The following ZNF385D variants were observed in gnomAD, a reference collection of about 807,000 sequenced individuals.
ZNF385D encodes zinc finger protein 659.
Under a neutral mutation model 35.8 loss-of-function variants are expected in ZNF385D, and 15 were observed. The observed-to-expected ratio is 0.42, with a 90% confidence interval of 0.28 to 0.64. The LOEUF (loss-of-function observed/expected upper bound fraction) is 0.64. Among genes scored for constraint, ZNF385D ranks in the 30% least tolerant of loss-of-function variants. The probability of loss-of-function intolerance (pLI) is 0.23; values close to 1 mark genes in which losing one functional copy is unlikely to be tolerated. For missense variants in ZNF385D, 474 were observed against 494.6 expected (o/e 0.96, Z 0.39); for synonymous variants, 212 against 186.8 (o/e 1.13, Z -1.10).
Position 22,243,642 on chromosome 3 carries a change from CA to C in ZNF385D, c.107-74608del, listed in dbSNP as rs574807869. Among the ~76,000 whole-genome samples, 644 of 151,092 alleles carry C rather than the reference CA, an allele frequency of 4.3e-3. 36 individuals are homozygous for C. Among genetic ancestry groups the C allele is most frequent in the African/African-American group, 0.015 (604 of 40,966 alleles). On this transcript the variant is annotated intron_variant, in intron 2 of 5. Coordinates refer to the ZNF385D transcript ENST00000494108. ...AGGTGGAGGCAATGAAAATGAAAAT[CA>C]AAAGATGTTAGAACACTTCAAAGGC...
chr3:22,266,705 T>C (rs1251680817), intron 2 of ZNF385D, among the ~76,000 whole-genome samples: 1 of 151,926 alleles, frequency 6.6e-6, no homozygotes, highest in Admixed American at 6.6e-5. Context: ...GCTTGCTATA[T>C]ATTTATATTT....
chr3:21,685,304 T>A (rs2067069461), intron 1 of ZNF385D, among the ~76,000 whole-genome samples: 1 of 152,196 alleles, frequency 6.6e-6, no homozygotes, highest in African/African-American at 2.4e-5. Flanking sequence ...ATTACTTGCC[T>A]TGGTGACAAG....
intron 3 of ZNF385D, among the ~76,000 whole-genome samples, chr3:22,123,962 C>CTCTCTCTCTATATATATATA (rs1491571691): frequency 1.6e-5 from 1 of 61,838 alleles, no homozygotes; most frequent in African/African-American, 6.1e-5. Context: ...CTCTCTCTCT[C>CTCTCTCTCTATATATATATA]TATATATATA....
intron 3 of ZNF385D, among the ~76,000 whole-genome samples, chr3:22,130,480 T>A (rs866303216): frequency 6.6e-6 from 1 of 152,180 alleles, no homozygotes; most frequent in Non-Finnish European, 1.5e-5. Context: ...TTCTGATAAC[T>A]GGGACGGATG....
At chr3:22,303,328 C>T (rs1703014135) in intron 2 of ZNF385D, among the ~76,000 whole-genome samples, 2 of 152,058 alleles carry the variant, frequency 1.3e-5, no homozygotes, top group African/African-American at 4.8e-5. Context: ...TTGTCTCCTG[C>T]CACTACTCTT....
chr3:22,243,714 G>C (rs1323757591), intron 2 of ZNF385D, among the ~76,000 whole-genome samples: 1 of 150,944 alleles, frequency 6.6e-6, no homozygotes, highest in Non-Finnish European at 1.5e-5. Flanking sequence ...TGAAAGAAAG[G>C]AGGGTAGGCA....
chr3:21,932,947 G>A (rs1294699147), intron 3 of ZNF385D, among the ~76,000 whole-genome samples: 1 of 152,146 alleles, frequency 6.6e-6, no homozygotes. Context: ...ACTGGGATAG[G>A]AGATCGCAAA....
At chr3:22,265,408 G>C (rs547896522) in intron 2 of ZNF385D, among the ~76,000 whole-genome samples, 5 of 152,084 alleles carry the variant, frequency 3.3e-5, no homozygotes, top group African/African-American at 1.2e-4. Context: ...ATTGGCAAAT[G>C]AGGTTAAATG....
intron 1 of ZNF385D, among the ~76,000 whole-genome samples, chr3:21,667,446 G>GCCAC (rs2066442550): frequency 6.6e-6 from 1 of 152,210 alleles, no homozygotes; most frequent in Admixed American, 6.5e-5. Context: ...ACAGGTGTGA[G>GCCAC]CCACCATGCC....
chr3:21,834,881 C>T (rs899017471), intron 3 of ZNF385D, among the ~76,000 whole-genome samples: 12 of 152,128 alleles, frequency 7.9e-5, no homozygotes, highest in African/African-American at 2.9e-4. Context: ...GTGCTTGCTT[C>T]TCCTTCACCT....
intron 3 of ZNF385D, among the ~76,000 whole-genome samples, chr3:21,837,165 C>G (rs1695381272): frequency 6.6e-6 from 1 of 152,132 alleles, no homozygotes; most frequent in African/African-American, 2.4e-5. Flanking sequence ...TTTCTCTCTA[C>G]AGGCCTCCCT....
At chr3:21,751,372 C>A, upstream of ZNF385D, 1 of 1,029,618 alleles carries the variant, frequency 9.7e-7, no homozygotes, top group Non-Finnish European at 1.2e-6. Context: ...GCGCGGGAGG[C>A]TCTCTTAAAG....
At chr3:22,188,756 A>C (rs922794837) in intron 2 of ZNF385D, among the ~76,000 whole-genome samples, 2 of 152,184 alleles carry the variant, frequency 1.3e-5, no homozygotes, top group African/African-American at 4.8e-5. Context: ...AGCCGTGTGC[A>C]TACTTTTTAA....
At chr3:21,692,727 G>A (rs1281171679) in intron 1 of ZNF385D, among the ~76,000 whole-genome samples, 1 of 152,268 alleles carries the variant, frequency 6.6e-6, no homozygotes, top group East Asian at 1.9e-4. Flanking sequence ...CTCCTTAGAA[G>A]GTATTCTTTT....
chr3:22,321,676 T>G (rs536403333), intron 2 of ZNF385D, among the ~76,000 whole-genome samples: 1 of 152,322 alleles, frequency 6.6e-6, no homozygotes, highest in South Asian at 2.1e-4. Flanking sequence ...AGTCTATATG[T>G]ATTTAATGTA....
intron 2 of ZNF385D, among the ~76,000 whole-genome samples, chr3:22,312,535 T>C (rs1047189579): frequency 6.6e-6 from 1 of 151,620 alleles, no homozygotes; most frequent in Non-Finnish European, 1.5e-5. Flanking sequence ...GAATCTACAA[T>C]GAACTCAAAC....
intron 3 of ZNF385D, among the ~76,000 whole-genome samples, chr3:21,559,672 T>A (rs893252670): frequency 6.6e-6 from 1 of 152,128 alleles, no homozygotes; most frequent in Admixed American, 6.5e-5. Flanking sequence ...ATCTTTGTGG[T>A]GTTCTCTGTA....
chr3:22,204,692 A>C (rs1024630784), intron 2 of ZNF385D, among the ~76,000 whole-genome samples: 1 of 152,050 alleles, frequency 6.6e-6, no homozygotes, highest in East Asian at 1.9e-4. Context: ...ATCAAGCAGA[A>C]ATTCTGGAAT....
In ZNF385D at chr3:22,104,432, A is replaced by G. The variant is rs1422223974; in HGVS notation, c.325+64385T>C. ...AGACTAATGACATTCTTCTGCAGGT[A>G]GTATTTTGATGTTTAAGCTCCATTT... On this transcript the variant is annotated intron_variant, in intron 3 of 5. Coordinates refer to the ZNF385D transcript ENST00000494108. 2.0e-5 allele frequency among the ~76,000 whole-genome samples: 3 copies of G among 152,266 alleles called. No individual in the cohort carries two copies. In the East Asian group the frequency reaches 5.8e-4, roughly 29 times the overall value.
Sources: gnomAD v4.1 joint callset for allele counts (sites outside exome capture counted in the v4.1 genomes callset) on GRCh38, gnomAD v4.1.1 for gene constraint, MANE v1.5 for transcripts, NCBI Gene and HGNC (gene_info 2026-07-23, HGNC 2026-07-21) for gene names.